PCOLCE2: variants seen among roughly 807,000 people sequenced by gnomAD.
PCOLCE2 encodes procollagen C-proteinase enhancer 2.
A neutral mutation model predicts 47.0 loss-of-function variants in PCOLCE2; 42 were observed. The ratio of observed to expected loss-of-function variants is 0.89; its 90% CI spans 0.70 to 1.16. The LOEUF is 1.16. Ranked by LOEUF, PCOLCE2 falls within the 50% of genes most tolerant of loss-of-function variation. The pLI, the probability that PCOLCE2 is intolerant of heterozygous loss-of-function variation, is 0.00. For missense variants in PCOLCE2, 500 were observed against 526.1 expected, an observed-to-expected ratio of 0.95 and a Z score of 0.49; for synonymous variants, 169 against 191.7, an observed-to-expected ratio of 0.88 and a Z score of 0.98.
At chr3:142,863,378 G>A (rs1470148361) in intron 2 of PCOLCE2, among the ~76,000 whole-genome samples, 2 of 152,214 alleles carry the variant, frequency 1.3e-5, no homozygotes, top group African/African-American at 2.4e-5. Flanking sequence ...TTTTGAACAT[G>A]TCAGGTTAAG....
chr3:142,833,790 G>T (rs6804096), intron 5 of PCOLCE2, among the ~76,000 whole-genome samples: 58,686 of 151,648 alleles, frequency 0.39, 11,798 homozygotes, highest in Non-Finnish European at 0.42. Context: ...GTGGTTATCT[G>T]TTCCTTGTTA....
intron 4 of PCOLCE2, 36 bp from the exon 5 acceptor site, chr3:142,838,942 A>G: frequency 2.0e-6 from 3 of 1,527,466 alleles, no homozygotes; most frequent in Non-Finnish European, 2.7e-6. Flanking sequence ...TCAAATATTA[A>G]TAGCATTGTT....
intron 5 of PCOLCE2, among the ~76,000 whole-genome samples, chr3:142,832,540 G>A (rs1937161979): frequency 3.3e-5 from 5 of 152,048 alleles, no homozygotes; most frequent in South Asian, 4.1e-4. Flanking sequence ...ACTCATCTTC[G>A]AGAGGCACAA....
rs768791703 is a variant in PCOLCE2 at position 142,843,006 on chromosome 3, G to C, written c.491C>G (p.Ser164Cys). The C allele has an allele frequency of 3.5e-5, 56 of 1,613,784 alleles. No individual in the cohort carries two copies. The highest frequency in any genetic ancestry group is 4.6e-5 in the Non-Finnish European group (54 of 1,179,834). The change falls in exon 4 of 9, where the codon TCT becomes TGT. Residue 164 changes from serine to cysteine, a missense_variant. Transcript: ENST00000295992. ...CGGLLDRPSG[S>C]FKTPNWPDRD... Reference sequence around the variant, plus strand: ...GTCTGGCCAGTTGGGGGTTTTAAAAGAGCCGGAAGGTCTGTCAAGGAGTCC... The same window carrying C: ...GTCTGGCCAGTTGGGGGTTTTAAAACAGCCGGAAGGTCTGTCAAGGAGTCC...
intron 2 of PCOLCE2, among the ~76,000 whole-genome samples, chr3:142,875,638 G>T (rs73232754): frequency 6.6e-6 from 1 of 152,064 alleles, no homozygotes; most frequent in Non-Finnish European, 1.5e-5. Flanking sequence ...CTATTCCAAG[G>T]GTGCTCCTTC....
chr3:142,875,437 A>G (rs919942012), intron 2 of PCOLCE2, among the ~76,000 whole-genome samples: 1 of 152,228 alleles, frequency 6.6e-6, no homozygotes, highest in Non-Finnish European at 1.5e-5. Flanking sequence ...AACCTAAATT[A>G]TCACATGATC....
intron 2 of PCOLCE2, among the ~76,000 whole-genome samples, chr3:142,884,276 TG>T: frequency 6.6e-6 from 1 of 152,200 alleles, no homozygotes; most frequent in East Asian, 1.9e-4. Context: ...TGGGAGTTAT[TG>T]GTTCTGGTTC....
rs1354457426 is a variant in PCOLCE2, at chr3:142,817,977, T to C, written c.*358A>G. 2.9e-5 allele frequency: 5 copies of C among 175,310 alleles called. No individual in the cohort carries two copies. The highest frequency in any genetic ancestry group is 1.4e-4 in the East Asian group (1 of 7,244). The allele number at this position is 175,310 out of a possible 1,614,324, so 10.9% of individuals were successfully genotyped here. ...GGTGAAACAAATAACACTATAAATA[T>C]TGCACTTCTAAAATCTTTTTTTGAC... On this transcript the variant is annotated 3_prime_UTR_variant, in exon 9 of 9. Coordinates refer to ENST00000295992, the MANE Select transcript of PCOLCE2 (RefSeq NM_013363.4).
chr3:142,842,343 A>G lies in PCOLCE2; in HGVS notation c.573+581T>C, dbSNP rs1232986131. On this transcript the variant is annotated intron_variant, in intron 4 of 8. Transcript: ENST00000295992. The surrounding 1 kb of genome is among the most constrained non-coding windows in gnomAD (Gnocchi z 4.1). ...ATAACATCCACTGCAGGGTTAAACA[A>G]TCCTATGTGAGATCTGCTTACCATT... 6.6e-6 allele frequency among the ~76,000 whole-genome samples: 1 copy of G among 152,134 alleles called. No homozygotes were observed. The highest frequency in any genetic ancestry group is 2.4e-5 in the African/African-American group (1 of 41,418).
chr3:142,829,271 C>T (rs890267178), intron 6 of PCOLCE2, among the ~76,000 whole-genome samples: 5 of 148,556 alleles, frequency 3.4e-5, no homozygotes, highest in African/African-American at 7.4e-5. Context: ...TATGACATTT[C>T]GCTGAGAAGC....
chr3:142,848,327 C>A lies in PCOLCE2; in HGVS notation c.338G>T (p.Gly113Val). The change falls in exon 3 of 9, where the codon GGA becomes GTA. Residue 113 changes from glycine to valine, a missense_variant. Gly to Val is a moderately radical substitution (Grantham distance 109, BLOSUM62 -3). Transcript: ENST00000295992. ...IGRFCGTFRP[G>V]ALVSSGNKMM... is the part of the protein sequence containing the mutation. The stretch of plus-strand genomic sequence containing the variant: ...CTTGTTGCCACTGGACACAAGGGCT[C>A]CAGGCCGGAAAGTGCCACAGAAGCG... 1 of 1,614,218 alleles carries A rather than the reference C, an allele frequency of 6.2e-7. No individual in the cohort carries two copies. Among genetic ancestry groups the A allele is most frequent in the Non-Finnish European group, 8.5e-7 (1 of 1,180,038 alleles).
intron 5 of PCOLCE2, among the ~76,000 whole-genome samples, chr3:142,837,385 T>A (rs929347533): frequency 3.9e-5 from 6 of 152,226 alleles, no homozygotes; most frequent in Middle Eastern, 3.2e-3. Context: ...AATATATTCA[T>A]CTGTAAACCA....
At chr3:142,848,623 G>A in intron 2 of PCOLCE2, 151 bp from the exon 3 acceptor site, 1 of 625,504 alleles carries the variant, frequency 1.6e-6, no homozygotes, top group Middle Eastern at 3.4e-4. Flanking sequence ...AAGTTTTCTA[G>A]CATATTGCAT....
chr3:142,825,076 A>G (rs1185523764), intron 6 of PCOLCE2, among the ~76,000 whole-genome samples: 1 of 152,214 alleles, frequency 6.6e-6, no homozygotes, highest in Non-Finnish European at 1.5e-5. Context: ...AGAGCTCAGA[A>G]GATGTTTGGA....
intron 3 of PCOLCE2, among the ~76,000 whole-genome samples, chr3:142,845,398 T>C (rs1409852908): frequency 6.6e-6 from 1 of 152,224 alleles, no homozygotes; most frequent in African/African-American, 2.4e-5. Context: ...AAGGTTTTTT[T>C]GTTTTGAACA....
chr3:142,836,245 T>C (rs1937202727), intron 5 of PCOLCE2, among the ~76,000 whole-genome samples: 1 of 152,206 alleles, frequency 6.6e-6, no homozygotes, highest in Admixed American at 6.5e-5. Context: ...TTTTCCTTAC[T>C]ATCTCCCTTA....
At chr3:142,841,500 T>C (rs554574938) in intron 4 of PCOLCE2, among the ~76,000 whole-genome samples, 1 of 152,338 alleles carries the variant, frequency 6.6e-6, no homozygotes, top group Middle Eastern at 3.5e-3. Context: ...AAATGATCAA[T>C]ATAATTTCAA....
intron 2 of PCOLCE2, among the ~76,000 whole-genome samples, chr3:142,862,000 TAC>T (rs1181492950): frequency 6.6e-6 from 1 of 152,154 alleles, no homozygotes; most frequent in Non-Finnish European, 1.5e-5. Context: ...ACCATTCTAG[TAC>T]ACAGACTGTA....
intron 2 of PCOLCE2, among the ~76,000 whole-genome samples, chr3:142,862,434 T>C (rs1933197680): frequency 6.6e-6 from 1 of 152,232 alleles, no homozygotes; most frequent in African/African-American, 2.4e-5. Context: ...CTTGTTGGTA[T>C]CTCTCATGTA....
Sources: gnomAD v4.1 joint callset for allele counts (sites outside exome capture counted in the v4.1 genomes callset) on GRCh38, gnomAD v4.1.1 for gene constraint, Gnocchi (gnomAD v3.1) non-coding constraint, MANE v1.5 for transcripts, NCBI Gene and HGNC (gene_info 2026-07-23, HGNC 2026-07-21) for gene names.